NCOA2: variants seen among roughly 807,000 people sequenced by gnomAD.
NCOA2 encodes nuclear receptor coactivator 2.
A neutral mutation model predicts 145.1 loss-of-function variants in NCOA2; 21 were observed. That is an observed-to-expected ratio of 0.14 (90% CI 0.10 to 0.21). The LOEUF (loss-of-function observed/expected upper bound fraction) is 0.21, where lower values mean the gene tolerates loss of function less well. Ranked by LOEUF, NCOA2 falls within the 10% of genes least tolerant of loss-of-function variation. NCOA2 has a pLI of 1.00. For synonymous variants in NCOA2, 619 were observed against 637.5 expected (o/e 0.97, Z 0.44); for missense variants, 1,472 against 1,837.6 (o/e 0.80, Z 3.64).
chr8:70,434,310 GA>G, the NCOA2 span, among the ~76,000 whole-genome samples: 1 of 152,308 alleles, frequency 6.6e-6, no homozygotes, highest in South Asian at 2.1e-4. Context: ...ATAACTTGGA[GA>G]TAAAATTGAT....
At chr8:70,304,771 A>T (rs1289306118) in intron 1 of NCOA2, among the ~76,000 whole-genome samples, 1 of 151,850 alleles carries the variant, frequency 6.6e-6, no homozygotes, top group Admixed American at 6.6e-5. Flanking sequence ...CTGGGATTAC[A>T]GGTGTGAGCC....
intron 4 of NCOA2, among the ~76,000 whole-genome samples, chr8:70,187,569 C>T (rs1335500296): frequency 1.3e-5 from 2 of 152,064 alleles, no homozygotes; most frequent in Non-Finnish European, 2.9e-5. Context: ...ACTGTGAGCA[C>T]CATGGCTATG....
chr8:70,356,813 T>C (rs1192009156), intron 1 of NCOA2, among the ~76,000 whole-genome samples: 1 of 152,234 alleles, frequency 6.6e-6, no homozygotes, highest in Non-Finnish European at 1.5e-5. Flanking sequence ...TTCACATTCA[T>C]TCTGTCATTT....
intron 1 of NCOA2, among the ~76,000 whole-genome samples, chr8:70,400,779 A>G (rs1003364462): frequency 6.6e-6 from 1 of 152,216 alleles, no homozygotes; most frequent in African/African-American, 2.4e-5. Flanking sequence ...ACACTATATT[A>G]CAACAGAACA....
the NCOA2 span, among the ~76,000 whole-genome samples, chr8:70,411,534 G>A: frequency 3.3e-5 from 5 of 152,164 alleles, no homozygotes; most frequent in Non-Finnish European, 5.9e-5. Flanking sequence ...TTAAAGCTGA[G>A]CATGTCTCCT....
chr8:70,159,492 G>T lies in NCOA2; in HGVS notation c.1124+13C>A. 1.9e-6 allele frequency: 3 copies of T among 1,567,144 alleles called. No individual in the cohort carries two copies. The highest frequency in any genetic ancestry group is 1.7e-6 in the Non-Finnish European group (2 of 1,145,642). Reference sequence around the variant, plus strand: ...CTTGGAAATGGAAAATGACTTCTTAGAACTAGGATTACCTGTGAAGCATAT... The same window carrying T: ...CTTGGAAATGGAAAATGACTTCTTATAACTAGGATTACCTGTGAAGCATAT... On this transcript the variant is annotated intron_variant, in intron 10 of 22. Coordinates refer to ENST00000452400, the MANE Select transcript of NCOA2 (RefSeq NM_006540.4).
intron 1 of NCOA2, among the ~76,000 whole-genome samples, chr8:70,378,143 C>T (rs954532834): frequency 6.6e-6 from 1 of 152,094 alleles, no homozygotes; most frequent in African/African-American, 2.4e-5. Flanking sequence ...ATATAAACCA[C>T]CTTGAATAAA....
chr8:70,156,594 C>T lies in NCOA2; in HGVS notation c.1771G>A (p.Glu591Lys). ...DSKDCFGLYG[E>K]PSEGTTGQAE... ...TGTCCAGTTGTACCTTCAGAGGGCT[C>T]CCCATATAGTCCAAAACAGTCTTTT... Residue 591 changes from glutamate (E) to lysine (K), a missense_variant, in exon 11 of 23, where the codon GAG becomes AAG. Glu to Lys is a moderately conservative substitution (Grantham distance 56). Coordinates refer to ENST00000452400, the MANE Select transcript of NCOA2 (RefSeq NM_006540.4). 1 of 1,613,918 alleles carries T rather than the reference C, an allele frequency of 6.2e-7. No homozygotes were observed. The highest frequency in any genetic ancestry group is 8.5e-7 in the Non-Finnish European group (1 of 1,179,888).
intron 4 of NCOA2, among the ~76,000 whole-genome samples, chr8:70,179,074 T>C (rs1324108463): frequency 1.3e-5 from 2 of 152,206 alleles, no homozygotes; most frequent in African/African-American, 4.8e-5. Flanking sequence ...TATTTATATA[T>C]ATTAAGAGAA....
intron 1 of NCOA2, among the ~76,000 whole-genome samples, chr8:70,360,261 T>C (rs957067983): frequency 6.6e-6 from 1 of 152,218 alleles, no homozygotes. Flanking sequence ...TTTAGCCATA[T>C]GTTTAGTTTT....
At chr8:70,444,345 G>A in the NCOA2 span, among the ~76,000 whole-genome samples, 8,250 of 152,236 alleles carry the variant, frequency 0.054, 304 homozygotes, top group South Asian at 0.11. Flanking sequence ...TAGGGAGTGG[G>A]GTAGGAAGGA....
At chr8:70,246,793 A>G (rs570640838) in intron 2 of NCOA2, among the ~76,000 whole-genome samples, 3 of 152,268 alleles carry the variant, frequency 2.0e-5, no homozygotes, top group East Asian at 1.9e-4. Context: ...GATACCTCAT[A>G]TAAGTGGAAT....
intron 2 of NCOA2, among the ~76,000 whole-genome samples, chr8:70,236,145 A>G (rs1019356096): frequency 9.9e-5 from 15 of 152,196 alleles, no homozygotes; most frequent in African/African-American, 3.6e-4. Context: ...TCAATAAGAT[A>G]TCTGTGCCTC....
At position 70,156,509 on chromosome 8, in the gene NCOA2, G is replaced by A. The variant is rs780473742; in HGVS notation, c.1856C>T (p.Pro619Leu). 56 of 1,613,666 alleles carry A rather than the reference G, an allele frequency of 3.5e-5. No homozygotes were observed. In the South Asian group the frequency reaches 4.1e-4, roughly 12 times the overall value. The change falls in exon 11 of 23, where the codon CCG (proline) becomes CTG (leucine). Residue 619 changes from proline to leucine, a missense_variant. Physicochemically the swap from Pro to Leu is moderately conservative, Grantham distance 98 (BLOSUM62 -3). This residue lies in a region of NCOA2 where 953 missense variants were observed against 1,062.1 expected (regional missense o/e 0.90). Transcript: ENST00000452400. The stretch of plus-strand genomic sequence containing the variant: ...GTCAGCTCTCTCACTGCTCACGGCC[G>A]GGGGCAGGTTGGGGTCATTTGTTTC... Reference protein sequence around the residue: ...QKETNDPNLPPAVSSERADGQ... With the variant: ...QKETNDPNLPLAVSSERADGQ...
chr8:70,362,166 G>A (rs1810264000), intron 1 of NCOA2, among the ~76,000 whole-genome samples: 1 of 152,046 alleles, frequency 6.6e-6, no homozygotes, highest in African/African-American at 2.4e-5. Context: ...AATAAATAAG[G>A]AAAATATGTG....
At chr8:70,287,019 G>A (rs967472694) in intron 2 of NCOA2, among the ~76,000 whole-genome samples, 2 of 152,128 alleles carry the variant, frequency 1.3e-5, no homozygotes, top group Non-Finnish European at 2.9e-5. Context: ...GAGATGGGCG[G>A]ATCACTTGAG....
At chr8:70,264,744 T>C (rs1260382323) in intron 2 of NCOA2, among the ~76,000 whole-genome samples, 1 of 151,690 alleles carries the variant, frequency 6.6e-6, no homozygotes, top group Non-Finnish European at 1.5e-5. Context: ...TAAATGCAGA[T>C]CAAGAGAAAA....
At position 70,250,392 on chromosome 8, in the gene NCOA2, C is replaced by CAA. The variant is rs34008376; in HGVS notation, c.-19-33630_-19-33629dup. 1.8e-3 allele frequency among the ~76,000 whole-genome samples: 91 copies of CAA among 49,632 alleles called. 5 individuals are homozygous for CAA. The highest frequency in any genetic ancestry group is 0.015 in the Middle Eastern group (1 of 66). 32.6% of individuals were successfully genotyped at this position (49,632 alleles called of 152,430 possible). On this transcript the variant is annotated intron_variant, in intron 2 of 22. Transcript: ENST00000452400. The stretch of plus-strand genomic sequence containing the variant: ...TGGTTGACAGAGTGAGACCCTGTCT[C>CAA]AAAAAAAAAAAAAAAAAAAAAAAAA...
intron 2 of NCOA2, among the ~76,000 whole-genome samples, chr8:70,228,560 G>T (rs1193988550): frequency 6.6e-6 from 1 of 152,092 alleles, no homozygotes; most frequent in Non-Finnish European, 1.5e-5. Context: ...GTGGTCTACA[G>T]TAGGCATTAA....
Sources: allele counts gnomAD v4.1 joint callset (sites outside exome capture counted in the v4.1 genomes callset), GRCh38; gene constraint gnomAD v4.1.1; regional missense constraint gnomAD v4.1.1; transcripts MANE v1.5; gene names NCBI Gene and HGNC (gene_info 2026-07-23, HGNC 2026-07-21).